IDE: variants seen among roughly 807,000 people sequenced by gnomAD.
The protein encoded by IDE is insulin degrading enzyme, also known as insulin-degrading enzyme.
Under a neutral mutation model 133.2 loss-of-function variants are expected in IDE, and 58 were observed. The ratio of observed to expected loss-of-function variants is 0.44; its 90% CI spans 0.35 to 0.54. The LOEUF (loss-of-function observed/expected upper bound fraction) is 0.54. IDE is among the 20% of genes least tolerant of loss of function. IDE has a pLI of 0.00. For missense variants in IDE, 981 were observed against 1,234.0 expected (o/e 0.79, Z 3.07); for synonymous variants, 396 against 421.3 (o/e 0.94, Z 0.73).
intron 4 of IDE, among the ~76,000 whole-genome samples, chr10:92,531,245 C>T (rs2135669674): frequency 6.6e-6 from 1 of 152,162 alleles, no homozygotes; most frequent in East Asian, 1.9e-4. Flanking sequence ...TATTCTACTT[C>T]CTGTTATCCC....
At chr10:92,464,920 G>A (rs867645300) in intron 20 of IDE, among the ~76,000 whole-genome samples, 2 of 152,244 alleles carry the variant, frequency 1.3e-5, no homozygotes, top group African/African-American at 2.4e-5. Flanking sequence ...TCCACCCGCC[G>A]CAGCCTCCCA....
At chr10:92,556,179 CAAAAA>C (rs60008680) in intron 1 of IDE, among the ~76,000 whole-genome samples, 1 of 69,210 alleles carries the variant, frequency 1.4e-5, no homozygotes, top group Non-Finnish European at 2.5e-5. Flanking sequence ...GACTCCGTCT[CAAAAA>C]AAAAAAAAAA....
chr10:92,516,517 T>C (rs1221479052), intron 4 of IDE, among the ~76,000 whole-genome samples: 1 of 152,210 alleles, frequency 6.6e-6, no homozygotes, highest in African/African-American at 2.4e-5. Context: ...TCTGTATCTA[T>C]ATCTCCACTT....
chr10:92,503,316 T>C (rs1254803460), intron 11 of IDE, among the ~76,000 whole-genome samples: 2 of 152,164 alleles, frequency 1.3e-5, no homozygotes, highest in African/African-American at 2.4e-5. Flanking sequence ...CCAAACACTG[T>C]ATCATAATAT....
intron 4 of IDE, among the ~76,000 whole-genome samples, chr10:92,519,245 C>G (rs1038049568): frequency 2.0e-5 from 3 of 152,114 alleles, no homozygotes; most frequent in African/African-American, 7.2e-5. Context: ...TGACTGCCCC[C>G]CAACACCTAA....
chr10:92,568,751 G>A (rs545320299), intron 1 of IDE, among the ~76,000 whole-genome samples: 1 of 152,244 alleles, frequency 6.6e-6, no homozygotes, highest in South Asian at 2.1e-4. Context: ...GGGAGATGGA[G>A]GTTGCAGTGA....
chr10:92,475,126 C>T (rs746993008), intron 16 of IDE, among the ~76,000 whole-genome samples, 165 bp from the exon 17 acceptor site: 12 of 152,138 alleles, frequency 7.9e-5, no homozygotes, highest in African/African-American at 1.2e-4. Flanking sequence ...TATTCCTCTC[C>T]GATCTTTACA....
intron 19 of IDE, 50 bp downstream of exon 19, chr10:92,468,829 A>C: frequency 1.1e-6 from 1 of 949,730 alleles, no homozygotes; most frequent in South Asian, 1.3e-5. Context: ...AATCACCCAC[A>C]CTGTTATGTC....
intron 1 of IDE, among the ~76,000 whole-genome samples, chr10:92,566,130 T>A (rs1843534125): frequency 6.7e-6 from 1 of 150,238 alleles, no homozygotes; most frequent in African/African-American, 2.5e-5. Context: ...CCAAGGTAGG[T>A]GGACTGCTTG....
chr10:92,464,469 A>T (rs1845562387), intron 20 of IDE, among the ~76,000 whole-genome samples: 1 of 152,160 alleles, frequency 6.6e-6, no homozygotes, highest in South Asian at 2.1e-4. Flanking sequence ...TTCAGAATGC[A>T]ACTCTCTAGA....
At chr10:92,508,321 C>A (rs901276822) in intron 7 of IDE, 116 bp from the exon 8 acceptor site, 1 of 802,288 alleles carries the variant, frequency 1.2e-6, no homozygotes, top group Non-Finnish European at 2.1e-6. Context: ...GAACCTCTTG[C>A]GAAAAGATTG....
At chr10:92,494,987 A>T (rs1367248214) in intron 11 of IDE, among the ~76,000 whole-genome samples, 1 of 152,244 alleles carries the variant, frequency 6.6e-6, no homozygotes, top group Non-Finnish European at 1.5e-5. Flanking sequence ...CTTTCTTTGA[A>T]ATCTTGCCAA....
chr10:92,568,541 C>T (rs1589560447), intron 1 of IDE, among the ~76,000 whole-genome samples: 1 of 152,142 alleles, frequency 6.6e-6, no homozygotes, highest in African/African-American at 2.4e-5. Flanking sequence ...TACAGCCGGG[C>T]ACGGTGGCCC....
intron 11 of IDE, among the ~76,000 whole-genome samples, chr10:92,493,107 A>T (rs1847460877): frequency 6.6e-6 from 1 of 152,224 alleles, no homozygotes; most frequent in African/African-American, 2.4e-5. Flanking sequence ...TTATTGCGTC[A>T]GAAGGAAGTG....
intron 14 of IDE, chr10:92,480,640 A>T (rs1450641261): frequency 6.6e-6 from 1 of 152,262 alleles, no homozygotes; most frequent in African/African-American, 2.4e-5. Flanking sequence ...CAGGCTGAAG[A>T]AATAGCTACT....
chr10:92,461,876 C>T (rs935927868), intron 21 of IDE, among the ~76,000 whole-genome samples: 8 of 151,950 alleles, frequency 5.3e-5, no homozygotes, highest in South Asian at 2.1e-4. Flanking sequence ...GGGGTTTCAC[C>T]GTGTTAGCCA....
At chr10:92,496,195 G>GA (rs1362050493) in intron 11 of IDE, among the ~76,000 whole-genome samples, 3 of 151,988 alleles carry the variant, frequency 2.0e-5, no homozygotes, top group Non-Finnish European at 4.4e-5. Context: ...CTTAAAGTAA[G>GA]AAAAAAGTCA....
intron 19 of IDE, 106 bp downstream of exon 19, chr10:92,468,773 C>G: frequency 1.7e-6 from 1 of 596,838 alleles, no homozygotes; most frequent in Non-Finnish European, 3.0e-6. Flanking sequence ...GAGAGGTTCC[C>G]AAGTAAATCT....
chr10:92,488,504 G>A (rs1043548577), intron 12 of IDE, among the ~76,000 whole-genome samples: 1 of 152,120 alleles, frequency 6.6e-6, no homozygotes, highest in Non-Finnish European at 1.5e-5. Flanking sequence ...GAGGCCAGGC[G>A]CGGTGGCTCA....
Sources: allele counts gnomAD v4.1 joint callset (sites outside exome capture counted in the v4.1 genomes callset), GRCh38; gene constraint gnomAD v4.1.1; transcripts MANE v1.5; gene names NCBI Gene and HGNC (gene_info 2026-07-23, HGNC 2026-07-21).